The following MSRA variants were observed in gnomAD, a reference collection of about 807,000 sequenced individuals.
MSRA encodes the protein mitochondrial peptide methionine sulfoxide reductase.
MSRA carries 54 observed loss-of-function variants against 31.3 expected under a neutral mutation model. The ratio of observed to expected loss-of-function variants is 1.73; its 90% CI spans 1.39 to 2.17. MSRA has a LOEUF of 2.17. Among genes scored for constraint, MSRA ranks in the 30% most tolerant of loss-of-function variants. MSRA has a pLI of 0.00. For synonymous variants in MSRA, 169 were observed against 116.5 expected, an observed-to-expected ratio of 1.45 and a Z score of -2.90; for missense variants, 507 against 300.9, an observed-to-expected ratio of 1.69 and a Z score of -5.07.
intron 5 of MSRA, among the ~76,000 whole-genome samples, chr8:10,326,790 A>G (rs193158503): frequency 6.6e-6 from 1 of 152,186 alleles, no homozygotes; most frequent in African/African-American, 2.4e-5. Context: ...TGGATTGTCA[A>G]ATATGGACAA....
intron 1 of MSRA, among the ~76,000 whole-genome samples, chr8:10,061,591 C>T (rs530526102): frequency 6.6e-6 from 1 of 152,090 alleles, no homozygotes; most frequent in Non-Finnish European, 1.5e-5. Context: ...GTGCTGCCCA[C>T]CAAGAACTCA....
chr8:10,171,008 A>C (rs978132764), intron 1 of MSRA, among the ~76,000 whole-genome samples: 2 of 152,190 alleles, frequency 1.3e-5, no homozygotes, highest in African/African-American at 4.8e-5. Context: ...TCTTGATCCG[A>C]GGGGAAAGCA....
At chr8:10,302,415 C>G (rs1800896723) in intron 4 of MSRA, among the ~76,000 whole-genome samples, 1 of 152,242 alleles carries the variant, frequency 6.6e-6, no homozygotes, top group Non-Finnish European at 1.5e-5. Context: ...TTCACAAACC[C>G]TCTTCATTTG....
intron 5 of MSRA, among the ~76,000 whole-genome samples, chr8:10,373,469 A>G (rs1409894398): frequency 6.6e-6 from 1 of 152,198 alleles, no homozygotes; most frequent in African/African-American, 2.4e-5. Flanking sequence ...TGGGCTATCA[A>G]GCCTTGATCC....
chr8:10,265,330 T>C (rs547391397), intron 3 of MSRA, among the ~76,000 whole-genome samples: 44 of 152,050 alleles, frequency 2.9e-4, no homozygotes, highest in African/African-American at 1.0e-3. Flanking sequence ...TGGGGGGAGA[T>C]TGAGGTAGGA....
At chr8:10,276,548 T>C (rs767714177) in intron 3 of MSRA, among the ~76,000 whole-genome samples, 1 of 152,218 alleles carries the variant, frequency 6.6e-6, no homozygotes, top group Admixed American at 6.5e-5. Flanking sequence ...AATTGAAGCC[T>C]TTGACTTGCT....
intron 1 of MSRA, among the ~76,000 whole-genome samples, chr8:10,078,765 T>C (rs780407173): frequency 6.6e-6 from 1 of 152,252 alleles, no homozygotes; most frequent in Non-Finnish European, 1.5e-5. Context: ...TTGGATTCTT[T>C]GACCAAAAAC....
intron 1 of MSRA, among the ~76,000 whole-genome samples, chr8:10,127,866 T>C (rs78353762): frequency 6.6e-6 from 1 of 152,162 alleles, no homozygotes; most frequent in Non-Finnish European, 1.5e-5. Context: ...ATTTTTTTTT[T>C]CAGACCTCCA....
chr8:10,336,579 A>G (rs928730252), intron 5 of MSRA, among the ~76,000 whole-genome samples: 1 of 152,194 alleles, frequency 6.6e-6, no homozygotes, highest in Non-Finnish European at 1.5e-5. Context: ...GAAAGAGACA[A>G]TATTGGGCAA....
intron 3 of MSRA, among the ~76,000 whole-genome samples, chr8:10,251,472 C>T (rs957196315): frequency 1.3e-5 from 2 of 152,130 alleles, no homozygotes; most frequent in African/African-American, 4.8e-5. Flanking sequence ...CCTGAAAATG[C>T]AAGAATTCTG....
At chr8:10,083,215 T>C (rs1798380340) in intron 1 of MSRA, among the ~76,000 whole-genome samples, 1 of 152,236 alleles carries the variant, frequency 6.6e-6, no homozygotes, top group South Asian at 2.1e-4. Flanking sequence ...GAATTTGATC[T>C]TAACATCAGC....
At chr8:10,384,789 C>T (rs1806283934) in intron 5 of MSRA, among the ~76,000 whole-genome samples, 1 of 152,122 alleles carries the variant, frequency 6.6e-6, no homozygotes, top group Non-Finnish European at 1.5e-5. Flanking sequence ...GGGCAGATCC[C>T]TTGAGGACAG....
intron 1 of MSRA, among the ~76,000 whole-genome samples, chr8:10,200,145 G>A (rs945205035): frequency 6.6e-6 from 1 of 152,234 alleles, no homozygotes; most frequent in Non-Finnish European, 1.5e-5. Flanking sequence ...CAGCCGGGAG[G>A]TGTATCTCCG....
At chr8:10,338,111 G>A (rs1271747841) in intron 5 of MSRA, among the ~76,000 whole-genome samples, 2 of 152,214 alleles carry the variant, frequency 1.3e-5, no homozygotes, top group African/African-American at 2.4e-5. Flanking sequence ...GAGTAGGAAA[G>A]AAAACTGTGA....
At chr8:10,163,230 C>A (rs1020730685) in intron 1 of MSRA, among the ~76,000 whole-genome samples, 2 of 152,180 alleles carry the variant, frequency 1.3e-5, no homozygotes, top group Non-Finnish European at 2.9e-5. Flanking sequence ...TCATAAGCCA[C>A]CCAGTCTGTG....
At chr8:10,280,244 C>G (rs145790521) in intron 3 of MSRA, among the ~76,000 whole-genome samples, 8 of 151,550 alleles carry the variant, frequency 5.3e-5, no homozygotes, top group Non-Finnish European at 1.0e-4. Context: ...ATAAAGTGTT[C>G]TATGCTTCAT....
At chr8:10,139,634 T>G (rs1802540639) in intron 1 of MSRA, among the ~76,000 whole-genome samples, 1 of 152,396 alleles carries the variant, frequency 6.6e-6, no homozygotes, top group Admixed American at 6.5e-5. Flanking sequence ...ACTTTGTTTC[T>G]GAGTTATTTC....
intron 5 of MSRA, among the ~76,000 whole-genome samples, chr8:10,345,684 A>G (rs1181189133): frequency 4.6e-5 from 7 of 152,252 alleles, no homozygotes; most frequent in Admixed American, 4.6e-4. Context: ...TTGCACATTT[A>G]AAAATAATTA....
At chr8:10,270,824 T>G (rs1033662361) in intron 3 of MSRA, among the ~76,000 whole-genome samples, 1 of 152,246 alleles carries the variant, frequency 6.6e-6, no homozygotes, top group African/African-American at 2.4e-5. Context: ...AAGAGAGTTA[T>G]GAAGCCAGGC....
Sources: allele counts gnomAD v4.1 joint callset (sites outside exome capture counted in the v4.1 genomes callset), GRCh38; gene constraint gnomAD v4.1.1; transcripts MANE v1.5; gene names NCBI Gene and HGNC (gene_info 2026-07-23, HGNC 2026-07-21).